Variants in RANBP2 observed in about 807,000 individuals in gnomAD.
The protein encoded by RANBP2 is E3 SUMO-protein ligase RanBP2.
A neutral mutation model predicts 303.6 loss-of-function variants in RANBP2; 57 were observed. The ratio of observed to expected loss-of-function variants is 0.19; its 90% CI spans 0.15 to 0.23. The LOEUF (loss-of-function observed/expected upper bound fraction) is 0.23. Ranked by LOEUF, RANBP2 falls within the 10% of genes least tolerant of loss-of-function variation. The pLI, the probability that RANBP2 is intolerant of heterozygous loss-of-function variation, is 1.00. For synonymous variants in RANBP2, 1,167 were observed against 1,301.5 expected (o/e 0.90, Z 2.23); for missense variants, 3,138 against 3,780.8 (o/e 0.83, Z 4.46).
chr2:109,564,630 G>C, the RANBP2 span: 4 of 1,086,384 alleles, frequency 3.7e-6, no homozygotes, highest in Non-Finnish European at 4.9e-6. Flanking sequence ...GAAAACATGT[G>C]AAACAACAAA....
chr2:109,514,021 TCTC>T, the RANBP2 span, among the ~76,000 whole-genome samples: 4 of 152,064 alleles, frequency 2.6e-5, no homozygotes, highest in Admixed American at 2.0e-4. Context: ...ATGTCAGAGT[TCTC>T]CTCACCACTC....
chr2:109,433,029 G>T, the RANBP2 span, among the ~76,000 whole-genome samples: 4 of 152,268 alleles, frequency 2.6e-5, no homozygotes, highest in South Asian at 2.1e-4. Flanking sequence ...TGCTATGCGT[G>T]TGCAGTGTGT....
At chr2:109,734,666 G>C in the RANBP2 span, among the ~76,000 whole-genome samples, 3 of 151,814 alleles carry the variant, frequency 2.0e-5, no homozygotes, top group African/African-American at 7.3e-5. Flanking sequence ...AAAATTGAAA[G>C]TGACCCTGAA....
the RANBP2 span, among the ~76,000 whole-genome samples, chr2:109,071,996 T>A: frequency 1.3e-5 from 2 of 152,174 alleles, no homozygotes; most frequent in Non-Finnish European, 2.9e-5. Flanking sequence ...ATGTGTCAAA[T>A]GTTGTTATCA....
At chr2:109,184,859 A>G in the RANBP2 span, among the ~76,000 whole-genome samples, 1 of 152,258 alleles carries the variant, frequency 6.6e-6, no homozygotes, top group Admixed American at 6.5e-5. Flanking sequence ...GAGCAAAGAC[A>G]GTTTGTCATT....
At chr2:108,812,919 A>G in the RANBP2 span, 4 of 1,613,264 alleles carry the variant, frequency 2.5e-6, no homozygotes, top group Non-Finnish European at 3.4e-6. Context: ...AGTTTCAAAA[A>G]CTTACAAGGT....
At chr2:108,970,532 C>T in the RANBP2 span, among the ~76,000 whole-genome samples, 2 of 151,904 alleles carry the variant, frequency 1.3e-5, no homozygotes, top group African/African-American at 4.8e-5. Context: ...TGGACGGTGC[C>T]CAGGGAGCCT....
At chr2:108,997,459 A>AAAAAAAAAAAAAAAAAAG in the RANBP2 span, among the ~76,000 whole-genome samples, 5 of 131,366 alleles carry the variant, frequency 3.8e-5, 1 homozygote, top group Admixed American at 2.0e-4. Context: ...AAAAAAAAAA[A>AAAAAAAAAAAAAAAAAAG]AAAAGATGAT....
chr2:109,628,584 T>C, the RANBP2 span, among the ~76,000 whole-genome samples: 1 of 152,192 alleles, frequency 6.6e-6, no homozygotes, highest in African/African-American at 2.4e-5. Context: ...TTTATACTAA[T>C]TTAAGCCTCC....
At chr2:108,720,288 A>C in intron 1 of RANBP2, 1 of 868,534 alleles carries the variant, frequency 1.2e-6, no homozygotes, top group African/African-American at 2.1e-5. Context: ...GTCCAGCTCC[A>C]CTCCGCTCCT....
chr2:109,114,559 T>C, the RANBP2 span, among the ~76,000 whole-genome samples: 1 of 151,952 alleles, frequency 6.6e-6, no homozygotes, highest in Non-Finnish European at 1.5e-5. Flanking sequence ...GTCTATCAAT[T>C]TTGTTGATCC....
chr2:109,173,713 C>A, the RANBP2 span, among the ~76,000 whole-genome samples: 2 of 152,138 alleles, frequency 1.3e-5, no homozygotes, highest in Non-Finnish European at 2.9e-5. Flanking sequence ...GGGAAATCCG[C>A]TGTCTGGAGG....
At chr2:109,196,626 G>A in the RANBP2 span, among the ~76,000 whole-genome samples, 1 of 152,154 alleles carries the variant, frequency 6.6e-6, no homozygotes. Context: ...GTGCTGCTGC[G>A]CTGTGGTTGC....
chr2:109,524,634 G>A, the RANBP2 span, among the ~76,000 whole-genome samples: 1 of 151,860 alleles, frequency 6.6e-6, no homozygotes, highest in African/African-American at 2.4e-5. Flanking sequence ...GAGCATGCCT[G>A]TAATTCCAGC....
chr2:109,538,717 G>A, the RANBP2 span, among the ~76,000 whole-genome samples: 813 of 152,190 alleles, frequency 5.3e-3, 11 homozygotes, highest in South Asian at 0.057. Context: ...ACGGGGTTTC[G>A]CCATGTTGGC....
chr2:109,640,590 C>T, the RANBP2 span, among the ~76,000 whole-genome samples: 595 of 152,260 alleles, frequency 3.9e-3, 6 homozygotes, highest in African/African-American at 0.013. Context: ...AAGCCTGTGG[C>T]GGAGAAGCTT....
At chr2:109,140,023 A>G in the RANBP2 span, among the ~76,000 whole-genome samples, 4 of 152,210 alleles carry the variant, frequency 2.6e-5, no homozygotes, top group Admixed American at 6.5e-5. Context: ...CATGACGTTG[A>G]AACTGTGCCT....
chr2:109,331,831 C>T, the RANBP2 span, among the ~76,000 whole-genome samples: 102 of 152,220 alleles, frequency 6.7e-4, no homozygotes, highest in African/African-American at 2.4e-3. Flanking sequence ...AGATCTTTGC[C>T]AGGGGCACCC....
At chr2:109,405,415 G>A in the RANBP2 span, among the ~76,000 whole-genome samples, 21 of 152,268 alleles carry the variant, frequency 1.4e-4, no homozygotes, top group Non-Finnish European at 2.1e-4. Flanking sequence ...GTTCTGGGGA[G>A]CCTTCAGACT....
Sources: gnomAD v4.1 joint callset for allele counts (sites outside exome capture counted in the v4.1 genomes callset) on GRCh38, gnomAD v4.1.1 for gene constraint, MANE v1.5 for transcripts, NCBI Gene and HGNC (gene_info 2026-07-23, HGNC 2026-07-21) for gene names.